FRYL: variants seen among roughly 807,000 people sequenced by gnomAD.
FRYL encodes FRY like transcription coactivator.
Under a neutral mutation model 351.2 loss-of-function variants are expected in FRYL, and 150 were observed. That is an observed-to-expected ratio of 0.43 (90% CI 0.37 to 0.49). The LOEUF is 0.49. Ranked by LOEUF, FRYL falls within the 20% of genes least tolerant of loss-of-function variation. The pLI, the probability that FRYL is intolerant of heterozygous loss-of-function variation, is 0.00. For synonymous variants in FRYL, 1,153 were observed against 1,257.1 expected, an observed-to-expected ratio of 0.92 and a Z score of 1.75; for missense variants, 3,036 against 3,619.3, an observed-to-expected ratio of 0.84 and a Z score of 4.13.
chr4:48,586,636 A>T lies in FRYL; in HGVS notation c.1733T>A (p.Ile578Asn), dbSNP rs888543812. ...TCTCATTTACCTTGCTAACAATTCA[A>T]TCAGGTCAGTTCTGCTCATACCGTC... The part of the protein sequence containing the change: ...IPDGMSRTDL[I>N]ELLARLTIHM... The change falls in exon 19 of 64, where the codon ATT (isoleucine) becomes AAT (asparagine). Residue 578 changes from isoleucine to asparagine, a missense_variant. Physicochemically the swap from Ile to Asn is moderately radical, Grantham distance 149. Around this residue, in one of 7 missense-constraint regions of FRYL, gnomAD observed 78 missense variants for 106.6 expected, o/e 0.73. Coordinates refer to ENST00000358350, the MANE Select transcript of FRYL (RefSeq NM_015030.2). 3 of 1,609,206 alleles carry T rather than the reference A, an allele frequency of 1.9e-6. No individual in the cohort carries two copies. The highest frequency in any genetic ancestry group is 2.7e-5 in the African/African-American group (2 of 74,836).
At position 48,547,586 on chromosome 4, in the gene FRYL, G is replaced by A. The variant is rs1267666170; in HGVS notation, c.5072C>T (p.Thr1691Ile). The A allele has an allele frequency of 6.5e-7, 1 of 1,526,982 alleles. No homozygotes were observed. Among genetic ancestry groups the A allele is most frequent in the Non-Finnish European group, 8.9e-7 (1 of 1,122,102 alleles). 94.6% of individuals were successfully genotyped at this position (1,526,982 alleles called of 1,614,324 possible). A position where few individuals can be genotyped will look rare whatever the true frequency, so the allele number is the denominator to read the frequency against. ...AATTGTACATTTAAAGCAAATACCT[G>A]TGAAATTATAATCTAAGTGTGCAAC... is the stretch of plus-strand genomic sequence containing the variant. ...KQVAHLDYNF[T>I]AGINDFIPDY... The change falls in exon 41 of 64, where the codon ACA becomes ATA. Residue 1691 changes from threonine (T) to isoleucine (I), a missense_variant and splice_region_variant. Coordinates refer to ENST00000358350, the MANE Select transcript of FRYL (RefSeq NM_015030.2).
At chr4:48,681,731 G>C (rs1254425051) in intron 3 of FRYL, among the ~76,000 whole-genome samples, 1 of 152,068 alleles carries the variant, frequency 6.6e-6, no homozygotes, top group Non-Finnish European at 1.5e-5. Flanking sequence ...AATAGTAATG[G>C]TGAAAACTTC....
chr4:48,636,485 A>T (rs1406979955), intron 3 of FRYL, among the ~76,000 whole-genome samples: 1 of 152,056 alleles, frequency 6.6e-6, no homozygotes, highest in East Asian at 1.9e-4. Flanking sequence ...AAAACTTCTA[A>T]AATGACATTC....
intron 1 of FRYL, among the ~76,000 whole-genome samples, chr4:48,733,940 T>C (rs1354967086): frequency 1.3e-5 from 2 of 151,986 alleles, no homozygotes; most frequent in Non-Finnish European, 2.9e-5. Context: ...AATGGAATCA[T>C]ATAAAATGCT....
Position 48,534,556 on chromosome 4 carries a change from T to C in FRYL, c.6694A>G (p.Lys2232Glu), listed in dbSNP as rs1560553344. The change falls in exon 49 of 64, where the codon AAA (lysine) becomes GAA (glutamate). Residue 2232 changes from lysine to glutamate, a missense_variant. Lys to Glu is a moderately conservative substitution (Grantham distance 56). Around this residue, in one of 7 missense-constraint regions of FRYL, gnomAD observed 1,987 missense variants for 2,311.7 expected, o/e 0.86. Coordinates refer to ENST00000358350, the MANE Select transcript of FRYL (RefSeq NM_015030.2). The stretch of plus-strand genomic sequence containing the variant: ...TTGTGGTCACTCACCTGTACATATT[T>C]GCCAATAATCTTTATGATCTCCAGA... ...FNLEIIKIIG[K>E]YVQSPYWKEA... is the part of the protein sequence containing the mutation. 4.3e-6 allele frequency: 7 copies of C among 1,612,048 alleles called. No individual in the cohort carries two copies. Among genetic ancestry groups the C allele is most frequent in the African/African-American group, 1.3e-5 (1 of 74,864 alleles).
At chr4:48,689,155 T>A (rs1284304749) in intron 2 of FRYL, among the ~76,000 whole-genome samples, 1 of 152,210 alleles carries the variant, frequency 6.6e-6, no homozygotes, top group Non-Finnish European at 1.5e-5. Context: ...GGTGAATTTG[T>A]CAACATTTTA....
At chr4:48,592,218 T>C (rs1488887816) in intron 16 of FRYL, among the ~76,000 whole-genome samples, 5 of 151,418 alleles carry the variant, frequency 3.3e-5, no homozygotes, top group African/African-American at 9.8e-5. Flanking sequence ...ACATGTCACA[T>C]AGTCAAAGAC....
chr4:48,692,382 C>T (rs1765754466), intron 2 of FRYL, among the ~76,000 whole-genome samples: 1 of 151,798 alleles, frequency 6.6e-6, no homozygotes, highest in Non-Finnish European at 1.5e-5. Context: ...AAACTCAAGC[C>T]TTAGTTTCTT....
intron 30 of FRYL, among the ~76,000 whole-genome samples, chr4:48,564,517 A>T (rs1736299463): frequency 6.6e-6 from 1 of 152,240 alleles, no homozygotes; most frequent in Non-Finnish European, 1.5e-5. Flanking sequence ...AAGTCTGTAT[A>T]TGTACAATAT....
intron 1 of FRYL, among the ~76,000 whole-genome samples, chr4:48,754,267 T>C (rs1009750526): frequency 6.6e-6 from 1 of 152,234 alleles, no homozygotes; most frequent in African/African-American, 2.4e-5. Flanking sequence ...AATGGCATCA[T>C]ACAATATGTG....
At chr4:48,722,379 T>C (rs1202558643) in intron 1 of FRYL, among the ~76,000 whole-genome samples, 1 of 152,228 alleles carries the variant, frequency 6.6e-6, no homozygotes, top group Non-Finnish European at 1.5e-5. Context: ...CTGTTAACAT[T>C]TGTTAAAACG....
At chr4:48,695,404 G>C (rs746406533) in intron 2 of FRYL, among the ~76,000 whole-genome samples, 1 of 152,030 alleles carries the variant, frequency 6.6e-6, no homozygotes, top group Admixed American at 6.6e-5. Context: ...AGTTTTCCAC[G>C]TATGATTACA....
At chr4:48,777,689 G>C (rs1484706620) in intron 1 of FRYL, among the ~76,000 whole-genome samples, 1 of 152,168 alleles carries the variant, frequency 6.6e-6, no homozygotes, top group African/African-American at 2.4e-5. Flanking sequence ...TCTAAAAGTT[G>C]AGAAATTCTT....
intron 3 of FRYL, among the ~76,000 whole-genome samples, chr4:48,682,163 T>A (rs1400290479): frequency 6.6e-6 from 1 of 152,134 alleles, no homozygotes; most frequent in Non-Finnish European, 1.5e-5. Flanking sequence ...CAATACAATC[T>A]CATTCTTCCA....
chr4:48,504,326 TCA>T (rs1321868304), intron 60 of FRYL, among the ~76,000 whole-genome samples: 1 of 152,166 alleles, frequency 6.6e-6, no homozygotes, highest in Non-Finnish European at 1.5e-5. Flanking sequence ...TGTTAAATGT[TCA>T]GTTTCCACTT....
At chr4:48,628,051 G>A (rs1225283613) in intron 4 of FRYL, among the ~76,000 whole-genome samples, 6 of 152,168 alleles carry the variant, frequency 3.9e-5, no homozygotes, top group Admixed American at 6.5e-5. Flanking sequence ...GGTTACAGGC[G>A]TGAGCCACCA....
intron 3 of FRYL, among the ~76,000 whole-genome samples, chr4:48,678,306 T>A (rs7672910): frequency 7.9e-5 from 12 of 151,910 alleles, no homozygotes; most frequent in Non-Finnish European, 1.5e-4. Flanking sequence ...TCTAGATGGA[T>A]TAAAGACTTA....
chr4:48,687,509 A>AAAGGGGGGGGGGGGGGGGGGGGGGG (rs1765270026), intron 2 of FRYL, among the ~76,000 whole-genome samples: 1 of 9,810 alleles, frequency 1.0e-4, no homozygotes, highest in Non-Finnish European at 2.1e-4. Flanking sequence ...GGGGGGGGTG[A>AAAGGGGGGGGGGGGGGGGGGGGGGG]GGGGGGAGGG....
chr4:48,513,629 A>G (rs1355596583), intron 56 of FRYL, among the ~76,000 whole-genome samples: 1 of 152,254 alleles, frequency 6.6e-6, no homozygotes. Context: ...AGCAATGCAT[A>G]TGGTCTTCCA....
Sources: gnomAD v4.1 joint callset for allele counts (sites outside exome capture counted in the v4.1 genomes callset) on GRCh38, gnomAD v4.1.1 for gene constraint, gnomAD v4.1.1 regional missense constraint, MANE v1.5 for transcripts, NCBI Gene and HGNC (gene_info 2026-07-23, HGNC 2026-07-21) for gene names.